SOX5: variants seen among roughly 807,000 people sequenced by gnomAD.
The protein encoded by SOX5 is SRY-box transcription factor 5.
Under a neutral mutation model 92.0 loss-of-function variants are expected in SOX5, and 9 were observed. The observed-to-expected ratio is 0.10, with a 90% confidence interval of 0.06 to 0.17. The LOEUF is 0.17. Among genes scored for constraint, SOX5 ranks in the 10% least tolerant of loss-of-function variants. SOX5 has a pLI of 1.00. For missense variants in SOX5, 642 were observed against 944.5 expected (o/e 0.68, Z 4.20); for synonymous variants, 344 against 336.3 (o/e 1.02, Z -0.25).
intron 1 of SOX5, among the ~76,000 whole-genome samples, chr12:24,514,834 T>C (rs978930076): frequency 2.0e-5 from 3 of 152,040 alleles, no homozygotes; most frequent in African/African-American, 7.3e-5. Context: ...TTCTCACTCA[T>C]AAGTGGAAGC....
intron 1 of SOX5, among the ~76,000 whole-genome samples, chr12:23,903,736 C>T (rs1274751392): frequency 1.3e-5 from 2 of 152,144 alleles, no homozygotes; most frequent in Non-Finnish European, 2.9e-5. Flanking sequence ...AGTAGCAAGA[C>T]TATTTGTTCA....
chr12:24,079,019 G>T lies in SOX5; in HGVS notation c.-2+134324C>A, dbSNP rs148330486. ...TTACCATTAATTTTTTACACCTGATGATACAGCAAAAATTACAACTCTGCC... is the reference window on the plus strand; with the variant it reads ...TTACCATTAATTTTTTACACCTGATTATACAGCAAAAATTACAACTCTGCC... On this transcript the variant is annotated intron_variant, in intron 4 of 4. Coordinates refer to the SOX5 transcript ENST00000446891. Among the ~76,000 whole-genome samples, 1,222 of 151,758 alleles carry T rather than the reference G, an allele frequency of 8.1e-3. 24 individuals carry two copies. The highest frequency in any genetic ancestry group is 0.028 in the African/African-American group (1,150 of 41,380).
intron 3 of SOX5, among the ~76,000 whole-genome samples, chr12:23,763,938 G>A (rs1475088933): frequency 6.6e-6 from 1 of 152,092 alleles, no homozygotes; most frequent in Non-Finnish European, 1.5e-5. Flanking sequence ...GCACTCTTGT[G>A]TAAGGCTCTT....
At chr12:23,674,410 T>C (rs1357152856) in intron 6 of SOX5, among the ~76,000 whole-genome samples, 1 of 136,076 alleles carries the variant, frequency 7.3e-6, no homozygotes, top group Non-Finnish European at 1.5e-5. Context: ...CGATCTCGGC[T>C]CTCTGCAACC....
chr12:24,118,039 GAA>G (rs1170532800), intron 4 of SOX5, among the ~76,000 whole-genome samples: 1 of 119,566 alleles, frequency 8.4e-6, no homozygotes, highest in South Asian at 2.8e-4. Flanking sequence ...AAAAAAAAAA[GAA>G]AAAAAAAATC....
chr12:23,817,245 CATT>C (rs761411489), intron 3 of SOX5, among the ~76,000 whole-genome samples: 5 of 152,066 alleles, frequency 3.3e-5, no homozygotes, highest in Admixed American at 1.3e-4. Context: ...GTTAGGTACC[CATT>C]ATTATTATTC....
At chr12:24,484,526 A>G (rs1946322293) in intron 1 of SOX5, among the ~76,000 whole-genome samples, 1 of 152,122 alleles carries the variant, frequency 6.6e-6, no homozygotes, top group Admixed American at 6.5e-5. Context: ...CCTTTGGACT[A>G]TGGTGGGCCT....
chr12:24,243,005 A>C (rs933297942), intron 3 of SOX5, among the ~76,000 whole-genome samples: 2 of 152,194 alleles, frequency 1.3e-5, no homozygotes, highest in Admixed American at 1.3e-4. Flanking sequence ...AAGTGAGTGA[A>C]GGAGTGTCTT....
At chr12:24,139,783 G>A (rs1273156460) in intron 4 of SOX5, among the ~76,000 whole-genome samples, 40 of 152,308 alleles carry the variant, frequency 2.6e-4, no homozygotes, top group Non-Finnish European at 2.9e-5. Context: ...CTCGCCTGAA[G>A]GAAACTGCTT....
chr12:23,641,403 C>T (rs971709048), intron 7 of SOX5, among the ~76,000 whole-genome samples: 12 of 152,032 alleles, frequency 7.9e-5, no homozygotes, highest in South Asian at 2.1e-4. Flanking sequence ...AAATTAACAA[C>T]GAAGAAAACA....
intron 9 of SOX5, among the ~76,000 whole-genome samples, chr12:23,578,151 C>A (rs1448075352): frequency 0.012 from 670 of 55,238 alleles, no homozygotes; most frequent in Non-Finnish European, 0.014. Context: ...AAAAAAAAAA[C>A]TATAGGGGCA....
At chr12:23,737,912 A>G (rs975528080) in intron 5 of SOX5, among the ~76,000 whole-genome samples, 2 of 152,232 alleles carry the variant, frequency 1.3e-5, no homozygotes, top group African/African-American at 4.8e-5. Flanking sequence ...CCATTTTAAA[A>G]GAACATATTC....
intron 1 of SOX5, among the ~76,000 whole-genome samples, chr12:24,370,997 G>C (rs1393387508): frequency 6.6e-6 from 1 of 152,046 alleles, no homozygotes; most frequent in East Asian, 1.9e-4. Context: ...TTAATGCCCA[G>C]GAATGTGAAT....
chr12:24,337,767 T>G (rs931177761), intron 2 of SOX5, among the ~76,000 whole-genome samples: 22 of 152,194 alleles, frequency 1.4e-4, no homozygotes, highest in African/African-American at 5.1e-4. Flanking sequence ...GAAAGGAAAT[T>G]TTTGCTAATA....
chr12:24,230,203 G>A (rs1055560866), intron 3 of SOX5, among the ~76,000 whole-genome samples: 1 of 152,030 alleles, frequency 6.6e-6, no homozygotes, highest in Non-Finnish European at 1.5e-5. Flanking sequence ...ATCAAACACT[G>A]GAGACGTCCT....
At chr12:24,122,363 G>A (rs1322519621) in intron 4 of SOX5, among the ~76,000 whole-genome samples, 1 of 152,128 alleles carries the variant, frequency 6.6e-6, no homozygotes, top group Non-Finnish European at 1.5e-5. Context: ...AAAGTTTTCT[G>A]GAACGACCAA....
intron 1 of SOX5, among the ~76,000 whole-genome samples, chr12:24,419,985 T>C (rs1021736710): frequency 3.9e-5 from 6 of 152,212 alleles, no homozygotes; most frequent in African/African-American, 7.2e-5. Context: ...GCCAAAGAAA[T>C]GCTAAGATCA....
intron 3 of SOX5, among the ~76,000 whole-genome samples, chr12:23,782,898 T>A (rs1196159275): frequency 2.0e-5 from 3 of 152,038 alleles, no homozygotes; most frequent in South Asian, 4.1e-4. Flanking sequence ...GGTGGTAAAA[T>A]CAGATTTACA....
chr12:24,502,124 A>G (rs1948267975), intron 1 of SOX5, among the ~76,000 whole-genome samples: 2 of 152,198 alleles, frequency 1.3e-5, no homozygotes, highest in Non-Finnish European at 2.9e-5. Flanking sequence ...CTTTATTGTC[A>G]TATCACCTTC....
Sources: gnomAD v4.1 joint callset for allele counts (sites outside exome capture counted in the v4.1 genomes callset) on GRCh38, gnomAD v4.1.1 for gene constraint, MANE v1.5 for transcripts, NCBI Gene and HGNC (gene_info 2026-07-23, HGNC 2026-07-21) for gene names.